Variants in KCNIP1 observed in about 807,000 individuals in gnomAD.
KCNIP1 encodes the protein A-type potassium channel modulatory protein KCNIP1.
KCNIP1 carries 18 observed loss-of-function variants against 33.0 expected under a neutral mutation model. That is an observed-to-expected ratio of 0.55 (90% confidence interval 0.38 to 0.81). KCNIP1 has a LOEUF of 0.81. Among genes scored for constraint, KCNIP1 ranks in the 30% least tolerant of loss-of-function variants. KCNIP1 has a pLI of 0.00. For missense variants in KCNIP1, 238 were observed against 271.6 expected, an observed-to-expected ratio of 0.88 and a Z score of 0.87; for synonymous variants, 93 against 98.3, an observed-to-expected ratio of 0.95 and a Z score of 0.32.
At chr5:170,436,530 C>G (rs774780637) in intron 1 of KCNIP1, among the ~76,000 whole-genome samples, 1 of 152,204 alleles carries the variant, frequency 6.6e-6, no homozygotes, top group Non-Finnish European at 1.5e-5. Context: ...ACGGAAACCC[C>G]GAGAGCTGGC....
At chr5:170,355,326 G>A (rs546843105) in intron 1 of KCNIP1, among the ~76,000 whole-genome samples, 1 of 152,338 alleles carries the variant, frequency 6.6e-6, no homozygotes, top group South Asian at 2.1e-4. Flanking sequence ...ACCTCCTGGA[G>A]AAGGAGAAAG....
chr5:170,615,171 C>T (rs553077431), intron 1 of KCNIP1, among the ~76,000 whole-genome samples: 3 of 152,148 alleles, frequency 2.0e-5, no homozygotes, highest in African/African-American at 4.8e-5. Flanking sequence ...GCCAAGATCG[C>T]GCCACTGCAC....
At chr5:170,680,243 C>G (rs1012258167) in intron 1 of KCNIP1, among the ~76,000 whole-genome samples, 2 of 152,154 alleles carry the variant, frequency 1.3e-5, no homozygotes, top group African/African-American at 4.8e-5. Context: ...TTCCCTTTTC[C>G]CCATGTCAAG....
intron 7 of KCNIP1, among the ~76,000 whole-genome samples, chr5:170,734,969 C>G (rs1764330482): frequency 6.6e-6 from 1 of 152,240 alleles, no homozygotes; most frequent in Non-Finnish European, 1.5e-5. Context: ...TCTCTGCACA[C>G]CCAGCTTCCC....
At chr5:170,378,489 C>T in intron 1 of KCNIP1, 1 of 588,484 alleles carries the variant, frequency 1.7e-6, no homozygotes, top group Non-Finnish European at 2.9e-6. Context: ...CTTATGGCCT[C>T]CAAGGCATTG....
intron 1 of KCNIP1, among the ~76,000 whole-genome samples, chr5:170,382,490 A>G (rs1314999448): frequency 6.6e-6 from 1 of 152,040 alleles, no homozygotes; most frequent in Non-Finnish European, 1.5e-5. Context: ...CATACACCCC[A>G]TCATGGGTCA....
intron 1 of KCNIP1, among the ~76,000 whole-genome samples, chr5:170,406,429 C>G (rs888967835): frequency 5.3e-5 from 8 of 152,214 alleles, no homozygotes; most frequent in Non-Finnish European, 2.9e-5. Context: ...CTTGACTGCT[C>G]TGTGCCTTGG....
At chr5:170,679,663 T>TGTGTG (rs1315980587) in intron 1 of KCNIP1, among the ~76,000 whole-genome samples, 1 of 97,638 alleles carries the variant, frequency 1.0e-5, no homozygotes, top group Non-Finnish European at 2.1e-5. Flanking sequence ...GTGTGTGTGT[T>TGTGTG]CCTTTCCAAT....
At chr5:170,592,958 G>T (rs1758316574) in intron 1 of KCNIP1, among the ~76,000 whole-genome samples, 1 of 151,934 alleles carries the variant, frequency 6.6e-6, no homozygotes, top group Admixed American at 6.6e-5. Flanking sequence ...ATGTAAAATA[G>T]CCCAGCTACA....
At chr5:170,523,316 G>A (rs965318472) in intron 1 of KCNIP1, among the ~76,000 whole-genome samples, 6 of 152,226 alleles carry the variant, frequency 3.9e-5, no homozygotes, top group Non-Finnish European at 7.3e-5. Context: ...ACTGCTAGGC[G>A]ATGCTCTGGG....
intron 1 of KCNIP1, among the ~76,000 whole-genome samples, chr5:170,542,272 G>A (rs1441554269): frequency 6.6e-6 from 1 of 152,160 alleles, no homozygotes; most frequent in Admixed American, 6.5e-5. Flanking sequence ...TAACAGCTTG[G>A]TTTGGAAGTC....
chr5:170,575,972 G>T (rs1757589668), intron 1 of KCNIP1, among the ~76,000 whole-genome samples: 1 of 152,090 alleles, frequency 6.6e-6, no homozygotes, highest in Admixed American at 6.6e-5. Context: ...GTTAGCTATT[G>T]CTGTGTAACA....
chr5:170,683,424 C>T (rs1210077957), intron 1 of KCNIP1, among the ~76,000 whole-genome samples: 1 of 152,130 alleles, frequency 6.6e-6, no homozygotes, highest in Non-Finnish European at 1.5e-5. Context: ...TTCTGTACAC[C>T]AAGTACCTCA....
At chr5:170,731,512 G>A (rs1206424992) in intron 5 of KCNIP1, among the ~76,000 whole-genome samples, 1 of 151,992 alleles carries the variant, frequency 6.6e-6, no homozygotes, top group Non-Finnish European at 1.5e-5. Context: ...AGACCAGCCT[G>A]GGCAACATGG....
At chr5:170,578,930 G>T (rs1388998183) in intron 1 of KCNIP1, among the ~76,000 whole-genome samples, 3 of 152,294 alleles carry the variant, frequency 2.0e-5, no homozygotes, top group African/African-American at 7.2e-5. Context: ...CCCTGAGGTG[G>T]GAACAATCTT....
At chr5:170,374,191 A>G (rs948492340) in intron 1 of KCNIP1, among the ~76,000 whole-genome samples, 2 of 152,208 alleles carry the variant, frequency 1.3e-5, no homozygotes, top group African/African-American at 4.8e-5. Flanking sequence ...TCACTTCAGT[A>G]AGTCACAGAA....
chr5:170,484,696 C>G (rs1757046889), intron 1 of KCNIP1, among the ~76,000 whole-genome samples: 1 of 151,436 alleles, frequency 6.6e-6, no homozygotes, highest in South Asian at 2.1e-4. Context: ...TCTCCTCCCT[C>G]TTTCCCTCTC....
At chr5:170,578,400 C>T (rs1263696214) in intron 1 of KCNIP1, among the ~76,000 whole-genome samples, 1 of 152,108 alleles carries the variant, frequency 6.6e-6, no homozygotes, top group Non-Finnish European at 1.5e-5. Context: ...CTGGCCTTGC[C>T]TGAGTGTATC....
At chr5:170,544,156 T>TA (rs1756320953) in intron 1 of KCNIP1, among the ~76,000 whole-genome samples, 1 of 152,146 alleles carries the variant, frequency 6.6e-6, no homozygotes, top group African/African-American at 2.4e-5. Context: ...CTCACACCTG[T>TA]AATACCAGCA....
Sources: gnomAD v4.1 joint callset for allele counts (sites outside exome capture counted in the v4.1 genomes callset) on GRCh38, gnomAD v4.1.1 for gene constraint, MANE v1.5 for transcripts, NCBI Gene and HGNC (gene_info 2026-07-23, HGNC 2026-07-21) for gene names.